SF3A2: variants seen among roughly 807,000 people sequenced by gnomAD.
The protein encoded by SF3A2 is SAP 62.
Under a neutral mutation model 31.1 loss-of-function variants are expected in SF3A2, and 5 were observed. The observed-to-expected ratio is 0.16, with a 90% CI of 0.08 to 0.34. SF3A2 has a LOEUF of 0.34. Among genes scored for constraint, SF3A2 ranks in the 10% least tolerant of loss-of-function variants. The probability of loss-of-function intolerance (pLI) is 1.00; values close to 1 mark genes in which losing one functional copy is unlikely to be tolerated. For missense variants in SF3A2, 577 were observed against 643.9 expected (o/e 0.90, Z 1.13); for synonymous variants, 365 against 263.7 (o/e 1.38, Z -3.72).
Position 2,248,124 on chromosome 19 carries a change from C to A in SF3A2, c.973C>A (p.Pro325Thr). Residue 325 changes from proline (P) to threonine (T), a missense_variant, in exon 9 of 9, where the codon CCA becomes ACA. By Grantham distance (38) the Pro-to-Thr change is conservative. Around this residue, in one of 6 missense-constraint regions of SF3A2, gnomAD observed 462 missense variants for 339.1 expected, o/e 1.36. Coordinates refer to ENST00000221494, the MANE Select transcript of SF3A2 (RefSeq NM_007165.5). ...VHPPAPGVHPPTSGVHPPAPG... is the reference protein window; with the variant it reads ...VHPPAPGVHPTTSGVHPPAPG... ...TCCCCCAGCCCCTGGGGTCCACCCA[C>A]CAACCTCTGGGGTCCACCCCCCAGC... The A allele has an allele frequency of 7.3e-7, 1 of 1,366,034 alleles. No individual in the cohort carries two copies. The highest frequency in any genetic ancestry group is 1.0e-6 in the Non-Finnish European group (1 of 986,190). The allele number at this position is 1,366,034 out of a possible 1,614,324, so 84.6% of individuals were successfully genotyped here.
rs1424801480 is a variant in SF3A2 at position 2,246,735 on chromosome 19, G to A, written c.356-18G>A. The A allele has an allele frequency of 2.8e-5, 45 of 1,613,792 alleles. No individual in the cohort carries two copies. The highest frequency in any genetic ancestry group is 3.7e-5 in the Non-Finnish European group (44 of 1,179,970). On this transcript the variant is annotated intron_variant, in intron 5 of 8. Coordinates refer to ENST00000221494, the MANE Select transcript of SF3A2 (RefSeq NM_007165.5). This position sits in a 1 kb window ranked among gnomAD's most constrained non-coding sequence, Gnocchi z 5.5. ...GAGAGGACAAGCAGCCGGGACCTGA[G>A]AGCTTTCTGTGTTGCAGTGACCAAG...
chr19:2,248,171 C>T lies in SF3A2; in HGVS notation c.1020C>T (p.Ala340=). The change falls in exon 9 of 9, where the codon GCC becomes GCT. Residue 340 remains alanine, a synonymous_variant. Transcript: ENST00000221494. ...HPPAPGVHPP[A]PGVHPPAPGV... ...CAGCTCCTGGAGTCCACCCTCCAGC[C>T]CCCGGGGTTCACCCACCAGCCCCCG... The T allele has an allele frequency of 6.8e-7, 1 of 1,467,950 alleles. No homozygotes were observed. Among genetic ancestry groups the T allele is most frequent in the African/African-American group, 1.4e-5 (1 of 70,350 alleles). 90.9% of individuals were successfully genotyped at this position (1,467,950 alleles called of 1,614,324 possible). A position where few individuals can be genotyped will look rare whatever the true frequency, so the allele number is the denominator to read the frequency against.
chr19:2,237,737 C>T (rs1037949388), intron 1 of SF3A2: 2 of 152,198 alleles, frequency 1.3e-5, no homozygotes, highest in South Asian at 4.1e-4. Context: ...TCCTGTGAGC[C>T]TCAGTTCCCT....
At chr19:2,238,484 C>T (rs2024859202) in intron 1 of SF3A2, among the ~76,000 whole-genome samples, 2 of 152,224 alleles carry the variant, frequency 1.3e-5, no homozygotes, top group Admixed American at 1.3e-4. Context: ...CTCCCATCCA[C>T]CCACTGCACC....
chr19:2,244,300 C>G (rs2024914180), intron 2 of SF3A2, among the ~76,000 whole-genome samples: 1 of 152,144 alleles, frequency 6.6e-6, no homozygotes. Context: ...TCGGGGGCTC[C>G]CTGGGAACCC....
rs894800765 is a variant in SF3A2 at position 2,246,696 on chromosome 19, G to A, written c.356-57G>A. 8 of 1,607,546 alleles carry A rather than the reference G, an allele frequency of 5.0e-6. No homozygotes were observed. In the African/African-American group the frequency reaches 8.0e-5, roughly 16 times the overall value. ...AGTGGGTGGCATTAGCCTGCCCCAG[G>A]TTCCTCAGCTTCGGAGAGGACAAGC... On this transcript the variant is annotated intron_variant, in intron 5 of 8. Transcript: ENST00000221494. The surrounding 1 kb of genome is among the most constrained non-coding windows in gnomAD (Gnocchi z 5.5).
At position 2,245,370 on chromosome 19, in the gene SF3A2, G is replaced by C. The variant is rs575667226; in HGVS notation, c.246-76G>C. On this transcript the variant is annotated intron_variant, in intron 4 of 8. Coordinates refer to ENST00000221494, the MANE Select transcript of SF3A2 (RefSeq NM_007165.5). This position sits in a 1 kb window ranked among gnomAD's most constrained non-coding sequence, Gnocchi z 4.2. ...TTGTAGTGAGCTCCAAGGTCAGGGG[G>C]CTCCTGGCACCTGGGCCCATGGCTT... 250 of 1,093,352 alleles carry C rather than the reference G, an allele frequency of 2.3e-4. 3 individuals carry two copies. The East Asian group carries it at 6.3e-3, about 28-fold the overall frequency. The allele number at this position is 1,093,352 out of a possible 1,614,324, so 67.7% of individuals were successfully genotyped here.
In SF3A2 at chr19:2,243,466, G is replaced by A; in HGVS notation, c.48G>A (p.Val16=). The part of the protein sequence containing the change: ...RPGGKTGSGG[V]ASSSESNRDR... ...GGGGCAAGACCGGGAGCGGGGGCGT[G>A]GCCTCCTCCTCCGAGAGCAACCGTG... The change falls in exon 2 of 9, where the codon GTG becomes GTA. Residue 16 remains valine (V), a synonymous_variant. Coordinates refer to ENST00000221494, the MANE Select transcript of SF3A2 (RefSeq NM_007165.5). 6 of 1,556,350 alleles carry A rather than the reference G, an allele frequency of 3.9e-6. No individual in the cohort carries two copies. Among genetic ancestry groups the A allele is most frequent in the Non-Finnish European group, 4.3e-6 (5 of 1,158,006 alleles).
At position 2,247,907 on chromosome 19, in the gene SF3A2, A is replaced by C. The variant is rs560690489; in HGVS notation, c.756A>C (p.Pro252=). The C allele has an allele frequency of 2.6e-6, 4 of 1,552,074 alleles. No homozygotes were observed. Among genetic ancestry groups the C allele is most frequent in the Non-Finnish European group, 3.5e-6 (4 of 1,153,408 alleles). ...PPRPPLPESL[P]PPPPGGLPLP... ...GGCCACCGCTGCCTGAGTCTTTGCC[A>C]CCGCCCCCGCCAGGAGGCCTGCCTC... The change falls in exon 9 of 9, where the codon CCA becomes CCC. Residue 252 remains proline, a synonymous_variant. Coordinates refer to ENST00000221494, the MANE Select transcript of SF3A2 (RefSeq NM_007165.5).
intron 1 of SF3A2, among the ~76,000 whole-genome samples, chr19:2,239,994 C>T (rs1555734241): frequency 2.0e-5 from 3 of 152,214 alleles, no homozygotes; most frequent in South Asian, 2.1e-4. Context: ...TTCTCGGATG[C>T]GTGTGTTTCT....
At position 2,248,038 on chromosome 19, in the gene SF3A2, C is replaced by A; in HGVS notation, c.887C>A (p.Pro296His). 2 of 968,558 alleles carry A rather than the reference C, an allele frequency of 2.1e-6. No individual in the cohort carries two copies. The highest frequency in any genetic ancestry group is 1.4e-5 in the South Asian group (1 of 72,606). The allele number at this position is 968,558 out of a possible 1,614,324, so 60.0% of individuals were successfully genotyped here. A position where few individuals can be genotyped will look rare whatever the true frequency, so the allele number is the denominator to read the frequency against. ...CACCCCCCGGCCCCAGTGGTGCATC[C>A]CCCTGCATCTGGGGTCCATCCCCCA... ...GVHPPAPVVH[P>H]PASGVHPPAP... The change falls in exon 9 of 9, where the codon CCC (proline) becomes CAC (histidine). Residue 296 changes from proline (P) to histidine (H), a missense_variant. By Grantham distance (77) the Pro-to-His change is moderately conservative (BLOSUM62 -2). Coordinates refer to ENST00000221494, the MANE Select transcript of SF3A2 (RefSeq NM_007165.5).
At chr19:2,244,935 A>G (rs549116971) in intron 4 of SF3A2, 156 bp downstream of exon 4, 3 of 670,244 alleles carry the variant, frequency 4.5e-6, no homozygotes, top group South Asian at 1.8e-5. Context: ...ATTAGAGAAC[A>G]GAGGCATGGA....
rs1026285813 is a variant in SF3A2 at position 2,245,394 on chromosome 19, T to C, written c.246-52T>C. On this transcript the variant is annotated intron_variant, in intron 4 of 8. Transcript: ENST00000221494. The surrounding 1 kb of genome is among the most constrained non-coding windows in gnomAD (Gnocchi z 4.2). ...GGCTCCTGGCACCTGGGCCCATGGC[T>C]TTGGTGCCTGTGTGTGGAGGGGTCC... 1 of 1,385,400 alleles carries C rather than the reference T, an allele frequency of 7.2e-7. No homozygotes were observed. The highest frequency in any genetic ancestry group is 1.0e-6 in the Non-Finnish European group (1 of 999,812). The allele number at this position is 1,385,400 out of a possible 1,614,324, so 85.8% of individuals were successfully genotyped here. A position where few individuals can be genotyped will look rare whatever the true frequency, so the allele number is the denominator to read the frequency against.
In SF3A2 at chr19:2,245,377, G is replaced by A; in HGVS notation, c.246-69G>A. 1 of 1,196,948 alleles carries A rather than the reference G, an allele frequency of 8.4e-7. No homozygotes were observed. The highest frequency in any genetic ancestry group is 1.3e-5 in the South Asian group (1 of 75,552). The allele number at this position is 1,196,948 out of a possible 1,614,324, so 74.1% of individuals were successfully genotyped here. On this transcript the variant is annotated intron_variant, in intron 4 of 8. Coordinates refer to ENST00000221494, the MANE Select transcript of SF3A2 (RefSeq NM_007165.5). The surrounding 1 kb of genome is among the most constrained non-coding windows in gnomAD (Gnocchi z 4.2). ...GAGCTCCAAGGTCAGGGGGCTCCTG[G>A]CACCTGGGCCCATGGCTTTGGTGCC...
intron 1 of SF3A2, among the ~76,000 whole-genome samples, chr19:2,239,711 C>T (rs1421024747): frequency 2.6e-5 from 4 of 152,054 alleles, no homozygotes; most frequent in East Asian, 1.9e-4. Context: ...GGTGTTTTTT[C>T]AGTTCTCACT....
intron 1 of SF3A2, chr19:2,237,899 T>G (rs1196741681): frequency 3.3e-5 from 5 of 152,244 alleles, no homozygotes; most frequent in Non-Finnish European, 5.9e-5. Context: ...AAATAGGTTG[T>G]TGGCTAGGTT....
At position 2,237,050 on chromosome 19, in the gene SF3A2, CG is replaced by C. The variant is rs1306759200; in HGVS notation, c.-38+151del. On this transcript the variant is annotated intron_variant, in intron 1 of 8. Coordinates refer to ENST00000221494, the MANE Select transcript of SF3A2 (RefSeq NM_007165.5). ...TCCCCTCCCTCCTCCCGTGAGCGTC[CG>C]GCCTTGTGCATCCTGAGGCCCCGCG... is the stretch of plus-strand genomic sequence containing the variant. 5.9e-5 allele frequency: 9 copies of C among 151,826 alleles called. No individual in the cohort carries two copies. The East Asian group carries it at 1.7e-3, about 29-fold the overall frequency. 9.4% of individuals were successfully genotyped at this position (151,826 alleles called of 1,614,324 possible).
At position 2,248,454 on chromosome 19, in the gene SF3A2, G is replaced by A. The variant is rs2024967402; in HGVS notation, c.1303G>A (p.Val435Met). ...GGGAGTTCACCCCTCAAATCCTGGG[G>A]TGCACCCCCCAACTCCCATGCCCCC... ...PPGVHPSNPG[V>M]HPPTPMPPML... is the part of the protein sequence containing the mutation. Residue 435 changes from valine (V) to methionine (M), a missense_variant, in exon 9 of 9, where the codon GTG (valine) becomes ATG (methionine). Physicochemically the swap from Val to Met is conservative, Grantham distance 21. Around this residue, in one of 6 missense-constraint regions of SF3A2, gnomAD observed 462 missense variants for 339.1 expected, o/e 1.36. Transcript: ENST00000221494. 7.5e-7 allele frequency: 1 copy of A among 1,341,066 alleles called. No individual in the cohort carries two copies. The highest frequency in any genetic ancestry group is 9.6e-7 in the Non-Finnish European group (1 of 1,037,316). The allele number at this position is 1,341,066 out of a possible 1,614,324, so 83.1% of individuals were successfully genotyped here. A position where few individuals can be genotyped will look rare whatever the true frequency, so the allele number is the denominator to read the frequency against.
intron 1 of SF3A2, among the ~76,000 whole-genome samples, chr19:2,242,999 A>T (rs911596951): frequency 5.3e-5 from 8 of 152,132 alleles, no homozygotes; most frequent in African/African-American, 1.7e-4. Flanking sequence ...GCAGTCCGGG[A>T]TGGCTTCCTG....
Sources: gnomAD v4.1 joint callset for allele counts (sites outside exome capture counted in the v4.1 genomes callset) on GRCh38, gnomAD v4.1.1 for gene constraint, gnomAD v4.1.1 regional missense constraint, Gnocchi (gnomAD v3.1) non-coding constraint, MANE v1.5 for transcripts, NCBI Gene and HGNC (gene_info 2026-07-23, HGNC 2026-07-21) for gene names.